Variants in RIC1 observed in about 807,000 individuals in gnomAD.
RIC1 encodes the protein guanine nucleotide exchange factor subunit RIC1.
In RIC1, 88 loss-of-function variants were observed where a neutral mutation model predicts 169.0. That is an observed-to-expected ratio of 0.52 (90% confidence interval 0.44 to 0.62). RIC1 has a LOEUF of 0.62. Among genes scored for constraint, RIC1 ranks in the 20% least tolerant of loss-of-function variants. The pLI is 0.00. For missense variants in RIC1, 1,877 were observed against 1,725.5 expected (o/e 1.09, Z -1.56); for synonymous variants, 790 against 601.5 (o/e 1.31, Z -4.59).
chr9:5,699,153 A>G (rs1822070541), intron 3 of RIC1, among the ~76,000 whole-genome samples: 1 of 152,228 alleles, frequency 6.6e-6, no homozygotes, highest in Non-Finnish European at 1.5e-5. Flanking sequence ...TAATGTCATA[A>G]CATCGATGAG....
chr9:5,686,913 C>A (rs1821282772), intron 2 of RIC1, among the ~76,000 whole-genome samples: 1 of 152,080 alleles, frequency 6.6e-6, no homozygotes, highest in Admixed American at 6.5e-5. Flanking sequence ...AGTCTGTATT[C>A]AACTGATATT....
intron 3 of RIC1, among the ~76,000 whole-genome samples, chr9:5,690,662 T>C (rs1224200214): frequency 6.6e-6 from 1 of 151,662 alleles, no homozygotes; most frequent in African/African-American, 2.4e-5. Context: ...TTAATAGGTA[T>C]ATAAGAAATT....
chr9:5,773,051 T>C lies in RIC1; in HGVS notation c.3954T>C (p.His1318=). The change falls in exon 25 of 26, where the codon CAT becomes CAC. Residue 1318 remains histidine, a synonymous_variant. Coordinates refer to ENST00000414202, the MANE Select transcript of RIC1 (RefSeq NM_020829.4). The stretch of plus-strand genomic sequence containing the variant: ...TACAGAACATAAAGACAGGGCTCCA[T>C]GCAGTGGACCGATGGGCCTCTACAG... The part of the protein sequence containing the change: ...EMLQNIKTGL[H]AVDRWASTDC... 1 of 1,613,216 alleles carries C rather than the reference T, an allele frequency of 6.2e-7. No individual in the cohort carries two copies. Among genetic ancestry groups the C allele is most frequent in the Non-Finnish European group, 8.5e-7 (1 of 1,179,512 alleles).
chr9:5,686,943 G>T (rs577351236), intron 2 of RIC1, among the ~76,000 whole-genome samples: 15 of 152,140 alleles, frequency 9.9e-5, no homozygotes, highest in African/African-American at 3.6e-4. Context: ...TTAAAGAGTT[G>T]GTAGAATTTA....
intron 1 of RIC1, among the ~76,000 whole-genome samples, chr9:5,631,412 G>C (rs577557070): frequency 2.0e-5 from 3 of 152,126 alleles, no homozygotes; most frequent in Non-Finnish European, 4.4e-5. Flanking sequence ...AGTATGAGTG[G>C]TTAACCTTGG....
chr9:5,739,687 C>G (rs13285150), intron 8 of RIC1, among the ~76,000 whole-genome samples: 3,008 of 152,126 alleles, frequency 0.02, 35 homozygotes, highest in Non-Finnish European at 0.025. Context: ...AATCCTCAGA[C>G]AAAGGTGGAA....
chr9:5,646,496 G>A (rs968962175), intron 1 of RIC1, among the ~76,000 whole-genome samples: 3 of 152,102 alleles, frequency 2.0e-5, no homozygotes, highest in South Asian at 2.1e-4. Context: ...TCTATGTTTA[G>A]AAGTATTTAG....
intron 1 of RIC1, among the ~76,000 whole-genome samples, chr9:5,647,709 T>C (rs1459682161): frequency 2.0e-5 from 3 of 152,246 alleles, no homozygotes; most frequent in Non-Finnish European, 2.9e-5. Context: ...ATTTTACTTA[T>C]TCATTTCCAA....
chr9:5,765,330 G>C, intron 19 of RIC1, 84 bp from the exon 20 acceptor site: 1 of 1,434,662 alleles, frequency 7.0e-7, no homozygotes. Context: ...CATTCTTTGA[G>C]TTTAGAAAAC....
At chr9:5,747,950 T>C (rs1390005541) in intron 12 of RIC1, among the ~76,000 whole-genome samples, 1 of 152,220 alleles carries the variant, frequency 6.6e-6, no homozygotes, top group African/African-American at 2.4e-5. Flanking sequence ...TGGACCCAAA[T>C]TGCAGACTTG....
At chr9:5,663,990 G>C (rs1819606673) in intron 2 of RIC1, among the ~76,000 whole-genome samples, 1 of 152,190 alleles carries the variant, frequency 6.6e-6, no homozygotes, top group Non-Finnish European at 1.5e-5. Context: ...CTCTTGCAAA[G>C]CAGGTCTGAT....
At position 5,770,158 on chromosome 9, in the gene RIC1, A is replaced by T; in HGVS notation, c.3496A>T (p.Asn1166Tyr). The stretch of plus-strand genomic sequence containing the variant: ...CCTTGAGATGGATGCTGGCATCTCC[A>T]ACATCCAGCGAAGTCAGAGCTGGCT... The part of the protein sequence containing the change: ...LNLEMDAGIS[N>Y]IQRSQSWLSN... Residue 1166 changes from asparagine (N) to tyrosine (Y), a missense_variant, in exon 23 of 26, where the codon AAC becomes TAC. Asn to Tyr is a moderately radical substitution (Grantham distance 143, BLOSUM62 -2). Transcript: ENST00000414202. The T allele has an allele frequency of 6.2e-7, 1 of 1,613,976 alleles. No homozygotes were observed. The highest frequency in any genetic ancestry group is 8.5e-7 in the Non-Finnish European group (1 of 1,179,918).
chr9:5,713,805 A>T, intron 3 of RIC1, 91 bp from the exon 4 acceptor site: 1 of 752,344 alleles, frequency 1.3e-6, no homozygotes, highest in Non-Finnish European at 2.2e-6. Flanking sequence ...TGTAAGTTTT[A>T]TTTCATTTAC....
chr9:5,687,540 T>C (rs1821323860), intron 2 of RIC1, among the ~76,000 whole-genome samples: 1 of 152,200 alleles, frequency 6.6e-6, no homozygotes, highest in African/African-American at 2.4e-5. Flanking sequence ...TGGGATGATG[T>C]ATTTTTAAAA....
intron 3 of RIC1, among the ~76,000 whole-genome samples, chr9:5,696,288 C>G (rs1821899925): frequency 6.6e-6 from 1 of 151,720 alleles, no homozygotes; most frequent in African/African-American, 2.4e-5. Flanking sequence ...GAAGTCCAAG[C>G]TCTCTGGCCT....
chr9:5,656,868 C>G (rs1224179600), intron 2 of RIC1, among the ~76,000 whole-genome samples, 178 bp downstream of exon 2: 2 of 152,116 alleles, frequency 1.3e-5, no homozygotes, highest in Admixed American at 6.6e-5. Context: ...AGCTTTTCTT[C>G]TGACTCTGCT....
chr9:5,679,538 C>G (rs1820682609), intron 2 of RIC1, among the ~76,000 whole-genome samples: 1 of 152,108 alleles, frequency 6.6e-6, no homozygotes, highest in Admixed American at 6.5e-5. Context: ...TGTAGTTCTC[C>G]TTGAAGAGGT....
At chr9:5,677,301 GTTTA>G (rs1056484321) in intron 2 of RIC1, among the ~76,000 whole-genome samples, 32 of 151,944 alleles carry the variant, frequency 2.1e-4, no homozygotes, top group African/African-American at 7.0e-4. Context: ...TTTCTCATTT[GTTTA>G]TTTGTTATGT....
intron 8 of RIC1, among the ~76,000 whole-genome samples, chr9:5,739,358 G>T (rs566134102): frequency 6.6e-6 from 1 of 152,060 alleles, no homozygotes; most frequent in East Asian, 1.9e-4. Flanking sequence ...TCCCTACTTA[G>T]TGGGCCCAAA....
Sources: allele counts gnomAD v4.1 joint callset (sites outside exome capture counted in the v4.1 genomes callset), GRCh38; gene constraint gnomAD v4.1.1; transcripts MANE v1.5; gene names NCBI Gene and HGNC (gene_info 2026-07-23, HGNC 2026-07-21).